KATNB1: variants seen among roughly 807,000 people sequenced by gnomAD.
The protein encoded by KATNB1 is katanin regulatory subunit B1.
A neutral mutation model predicts 82.3 loss-of-function variants in KATNB1; 38 were observed. The observed-to-expected ratio is 0.46, with a 90% confidence interval of 0.36 to 0.61. The LOEUF (loss-of-function observed/expected upper bound fraction) is 0.61. KATNB1 is among the 20% of genes least tolerant of loss of function. The pLI is 0.00. For missense variants in KATNB1, 749 were observed against 915.7 expected (o/e 0.82, Z 2.35); for synonymous variants, 361 against 368.7 (o/e 0.98, Z 0.24).
chr16:57,746,549 T>A (rs528239153), intron 4 of KATNB1, among the ~76,000 whole-genome samples: 2 of 152,340 alleles, frequency 1.3e-5, no homozygotes, highest in South Asian at 4.1e-4. Context: ...CCACTGCTCC[T>A]GTGCTGTGCC....
At chr16:57,752,499 G>T (rs1191042205) in intron 8 of KATNB1, 31 bp from the exon 9 acceptor site, 1 of 1,549,386 alleles carries the variant, frequency 6.5e-7, no homozygotes, top group African/African-American at 1.4e-5. Flanking sequence ...TGAGGGATAG[G>T]CTTCGCAGCA....
chr16:57,754,032 T>A, intron 13 of KATNB1, 37 bp downstream of exon 13: 3 of 1,554,732 alleles, frequency 1.9e-6, no homozygotes, highest in Non-Finnish European at 2.7e-6. Flanking sequence ...AGGTCTCTGA[T>A]GCCCCCCCGT....
chr16:57,751,730 T>A lies in KATNB1; in HGVS notation c.516+6T>A. On this transcript the variant is annotated splice_donor_region_variant and intron_variant, in intron 7 of 19. Coordinates refer to ENST00000379661, the MANE Select transcript of KATNB1 (RefSeq NM_005886.3). This position sits in a 1 kb window ranked among gnomAD's most constrained non-coding sequence, Gnocchi z 6.3. The stretch of plus-strand genomic sequence containing the variant: ...CAGATGACCACACCGTGAAGGTAGC[T>A]CCCGGCCTGACCTGGGCCCAGGGGC... 6.2e-7 allele frequency: 1 copy of A among 1,608,282 alleles called. No individual in the cohort carries two copies. The highest frequency in any genetic ancestry group is 8.5e-7 in the Non-Finnish European group (1 of 1,179,824).
chr16:57,756,741 C>A, intron 19 of KATNB1, 73 bp from the exon 20 acceptor site: 1 of 1,470,672 alleles, frequency 6.8e-7, no homozygotes, highest in South Asian at 1.4e-5. Context: ...GCAGTTAGGA[C>A]AGCAAAGGCC....
At chr16:57,750,272 T>A (rs2049215871) in intron 4 of KATNB1, among the ~76,000 whole-genome samples, 1 of 151,534 alleles carries the variant, frequency 6.6e-6, no homozygotes, top group South Asian at 2.1e-4. Context: ...GTGGGGAGAG[T>A]GTGGTACAAT....
At chr16:57,743,100 C>G (rs1457240735) in intron 3 of KATNB1, among the ~76,000 whole-genome samples, 2 of 152,164 alleles carry the variant, frequency 1.3e-5, no homozygotes, top group African/African-American at 4.8e-5. Flanking sequence ...TGAGACCGCC[C>G]TGGCCAACAT....
At position 57,751,995 on chromosome 16, in the gene KATNB1, C is replaced by G. The variant is rs782658225; in HGVS notation, c.572C>G (p.Pro191Arg). ...MMSEFPGHTG[P>R]VNVVEFHPNE... ...TCTGAGTTCCCTGGTCACACGGGGCCTGTCAACGTGGTCGAGTTTCACCCC... is the reference window on the plus strand; with the variant it reads ...TCTGAGTTCCCTGGTCACACGGGGCGTGTCAACGTGGTCGAGTTTCACCCC... Residue 191 changes from proline to arginine, a missense_variant, in exon 8 of 20, where the codon CCT becomes CGT. This residue lies in a region of KATNB1 where 247 missense variants were observed against 349.4 expected (regional missense o/e 0.71). Coordinates refer to ENST00000379661, the MANE Select transcript of KATNB1 (RefSeq NM_005886.3). This position sits in a 1 kb window ranked among gnomAD's most constrained non-coding sequence, Gnocchi z 6.3. The G allele has an allele frequency of 6.2e-6, 10 of 1,613,764 alleles. No individual in the cohort carries two copies. The highest frequency in any genetic ancestry group is 8.5e-6 in the Non-Finnish European group (10 of 1,180,004).
At chr16:57,739,990 C>T (rs1334946466) in intron 2 of KATNB1, among the ~76,000 whole-genome samples, 2 of 152,140 alleles carry the variant, frequency 1.3e-5, no homozygotes, top group African/African-American at 2.4e-5. Context: ...CCAGGGGGAG[C>T]GAGCAGTGCC....
intron 12 of KATNB1, 143 bp downstream of exon 12, chr16:57,753,662 T>G: frequency 6.1e-6 from 7 of 1,139,652 alleles, no homozygotes; most frequent in Non-Finnish European, 8.7e-6. Context: ...TGTCCTCACG[T>G]TCCCTGGGCC....
At position 57,756,086 on chromosome 16, in the gene KATNB1, G is replaced by C; in HGVS notation, c.1718+20G>C. On this transcript the variant is annotated intron_variant, in intron 18 of 19. Transcript: ENST00000379661. ...TGAGAGGTGCGTGTGGGGAAGCCAT[G>C]CCTGCCTGAAGCAGGGGGAGGGGAG... 6.2e-7 allele frequency: 1 copy of C among 1,602,286 alleles called. No homozygotes were observed. The highest frequency in any genetic ancestry group is 8.5e-7 in the Non-Finnish European group (1 of 1,179,594).
rs181649603 is a variant in KATNB1 at position 57,740,950 on chromosome 16, C to T, written c.41-737C>T. Among the ~76,000 whole-genome samples, 5 of 152,366 alleles carry T rather than the reference C, an allele frequency of 3.3e-5. No individual in the cohort carries two copies. The East Asian group carries it at 9.6e-4, about 29-fold the overall frequency. ...CGCCTGCTACTAAGCAGCACGTAGG[C>T]GCGCTCTGAGGGAGTCCTCAGCATC... On this transcript the variant is annotated intron_variant, in intron 2 of 19. Coordinates refer to ENST00000379661, the MANE Select transcript of KATNB1 (RefSeq NM_005886.3).
At chr16:57,755,674 G>A in intron 16 of KATNB1, 167 bp from the exon 17 acceptor site, 1 of 1,009,796 alleles carries the variant, frequency 9.9e-7, no homozygotes, top group Non-Finnish European at 1.4e-6. Context: ...GCCGTTTAGT[G>A]AGCATCTGTT....
In KATNB1 at chr16:57,744,463, G is replaced by A; in HGVS notation, c.241G>A (p.Gly81Ser). Residue 81 changes from glycine (G) to serine (S), a missense_variant, in exon 4 of 20, where the codon GGC (glycine) becomes AGC (serine). This residue lies in a region of KATNB1 where 247 missense variants were observed against 349.4 expected (regional missense o/e 0.71). Coordinates refer to ENST00000379661, the MANE Select transcript of KATNB1 (RefSeq NM_005886.3). ...CACCCCCGAGGAGCTCATCGTGGCC[G>A]GCTCTCAGTCGGGCTCCATCCGTGT... ...LNTPEELIVA[G>S]SQSGSIRVWD... 4 of 1,614,072 alleles carry A rather than the reference G, an allele frequency of 2.5e-6. No homozygotes were observed. The highest frequency in any genetic ancestry group is 1.3e-5 in the African/African-American group (1 of 75,048).
intron 9 of KATNB1, 23 bp from the exon 10 acceptor site, chr16:57,752,755 C>G (rs557656743): frequency 6.2e-7 from 1 of 1,604,692 alleles, no homozygotes; most frequent in Non-Finnish European, 8.5e-7. Context: ...ACAGGACCCA[C>G]GGCCATCTCT....
chr16:57,741,811 C>T lies in KATNB1; in HGVS notation c.165C>T (p.Cys55=). Residue 55 remains cysteine (C), a synonymous_variant, in exon 3 of 20, where the codon TGC becomes TGT. Transcript: ENST00000379661. ...TGTGGTCCATCAACAAGCCCAACTG[C>T]ATCATGGTGAGCCCCGACAGCTGGC... ...VNLWSINKPN[C]IMSLTGHTSP... is the part of the protein sequence containing the mutation. 3 of 1,613,218 alleles carry T rather than the reference C, an allele frequency of 1.9e-6. No homozygotes were observed. Among genetic ancestry groups the T allele is most frequent in the Non-Finnish European group, 2.5e-6 (3 of 1,179,776 alleles).
chr16:57,756,613 TGTGG>T, intron 19 of KATNB1, 141 bp downstream of exon 19: 8 of 1,161,226 alleles, frequency 6.9e-6, no homozygotes, highest in Non-Finnish European at 8.4e-6. Context: ...TGGCTCAGGG[TGTGG>T]GTGGGCTTAG....
chr16:57,747,984 C>T (rs1320065627), intron 4 of KATNB1, among the ~76,000 whole-genome samples: 1 of 152,194 alleles, frequency 6.6e-6, no homozygotes, highest in Non-Finnish European at 1.5e-5. Context: ...AGACTCCATC[C>T]TCAGAGAACC....
chr16:57,747,250 G>A (rs1402860570), intron 4 of KATNB1, among the ~76,000 whole-genome samples: 1 of 152,192 alleles, frequency 6.6e-6, no homozygotes, highest in African/African-American at 2.4e-5. Context: ...CCTACCTGAA[G>A]CCCTGGAGAG....
Position 57,755,927 on chromosome 16 carries a change from T to C in KATNB1, c.1643+10T>C. On this transcript the variant is annotated intron_variant, in intron 17 of 19. Transcript: ENST00000379661. The stretch of plus-strand genomic sequence containing the variant: ...TCGTCAACCAGAAAGCGTAAGTGGC[T>C]GCAGAGGGGGAGTGGGCGGAGGGGC... 6.2e-7 allele frequency: 1 copy of C among 1,604,522 alleles called. No individual in the cohort carries two copies. Among genetic ancestry groups the C allele is most frequent in the East Asian group, 2.2e-5 (1 of 44,604 alleles).
Sources: allele counts gnomAD v4.1 joint callset (sites outside exome capture counted in the v4.1 genomes callset), GRCh38; gene constraint gnomAD v4.1.1; regional missense constraint gnomAD v4.1.1; non-coding constraint Gnocchi (gnomAD v3.1); transcripts MANE v1.5; gene names NCBI Gene and HGNC (gene_info 2026-07-23, HGNC 2026-07-21).